BSCL2: variants seen among roughly 807,000 people sequenced by gnomAD.
BSCL2 encodes the protein seipin.
Under a neutral mutation model 57.4 loss-of-function variants are expected in BSCL2, and 41 were observed. The ratio of observed to expected loss-of-function variants is 0.71; its 90% CI spans 0.56 to 0.93. BSCL2 has a LOEUF of 0.93. Among genes scored for constraint, BSCL2 ranks in the 40% least tolerant of loss-of-function variants. The probability of loss-of-function intolerance (pLI) is 0.00; values close to 1 mark genes in which losing one functional copy is unlikely to be tolerated. For missense variants in BSCL2, 539 were observed against 586.7 expected (o/e 0.92, Z 0.84); for synonymous variants, 237 against 227.3 (o/e 1.04, Z -0.38).
intron 6 of BSCL2, among the ~76,000 whole-genome samples, 154 bp downstream of exon 6, chr11:62,692,222 T>C (rs1475892360): frequency 1.3e-5 from 2 of 152,136 alleles, no homozygotes; most frequent in African/African-American, 4.8e-5. Flanking sequence ...AGGGAGCTGA[T>C]AGGCCAATAT....
upstream of BSCL2, chr11:62,709,306 G>A (rs573512970): frequency 2.4e-5 from 11 of 454,020 alleles, no homozygotes; most frequent in South Asian, 6.2e-5. Flanking sequence ...CATCGTCAAG[G>A]ATCGGAGATC....
At position 62,707,213 on chromosome 11, in the gene BSCL2, G is replaced by GT. The variant is rs1396735903; in HGVS notation, c.-19dup. ...GTAGACATCTTCCTGACGAGCCTCT[G>GT]TTGACTCTGGATCTTCCACTGAGTC... On this transcript the variant is annotated 5_prime_UTR_variant, in exon 1 of 11. Coordinates refer to ENST00000360796, the MANE Select transcript of BSCL2 (RefSeq NM_001122955.4). 4 of 1,550,924 alleles carry GT rather than the reference G, an allele frequency of 2.6e-6. No homozygotes were observed. In the South Asian group the frequency reaches 4.8e-5, roughly 18 times the overall value.
Position 62,705,566 on chromosome 11 carries a change from C to T in BSCL2, c.139G>A (p.Ala47Thr). Residue 47 changes from alanine to threonine, a missense_variant, in exon 2 of 11, where the codon GCA becomes ACA. Ala to Thr is a moderately conservative substitution (Grantham distance 58). Coordinates refer to ENST00000360796, the MANE Select transcript of BSCL2 (RefSeq NM_001122955.4). ...HGQGWRPGGRAARNARPEPGA... is the reference protein window; with the variant it reads ...HGQGWRPGGRTARNARPEPGA... ...GGTTCAGGCCTTGCGTTCCTAGCTG[C>T]TCTGCCACCTGGACGCCACCCCTGG... is the stretch of plus-strand genomic sequence containing the variant. 3 of 1,592,826 alleles carry T rather than the reference C, an allele frequency of 1.9e-6. No individual in the cohort carries two copies. The highest frequency in any genetic ancestry group is 2.6e-6 in the Non-Finnish European group (3 of 1,166,502).
chr11:62,707,771 GC>G (rs1249305307), upstream of BSCL2: 14 of 275,098 alleles, frequency 5.1e-5, no homozygotes, highest in African/African-American at 3.0e-4. Context: ...CTCCCCAGGG[GC>G]CTCCTTTCGT....
At chr11:62,708,608 A>T, upstream of BSCL2, 1 of 1,593,838 alleles carries the variant, frequency 6.3e-7, no homozygotes, top group African/African-American at 1.3e-5. Flanking sequence ...AAGAGAACCC[A>T]TTTGGGGAGG....
chr11:62,691,220 C>T, intron 7 of BSCL2, 60 bp downstream of exon 7: 2 of 1,614,122 alleles, frequency 1.2e-6, no homozygotes, highest in Non-Finnish European at 8.5e-7. Flanking sequence ...TAATCCCCAA[C>T]ATACCCCTGA....
intron 9 of BSCL2, 31 bp from the exon 10 acceptor site, chr11:62,690,723 A>AC: frequency 6.2e-7 from 1 of 1,613,754 alleles, no homozygotes; most frequent in Non-Finnish European, 8.5e-7. Context: ...CAGGGGTCAG[A>AC]CCCAGACACT....
upstream of BSCL2, chr11:62,708,119 T>C (rs1172062488): frequency 1.6e-6 from 1 of 623,140 alleles, no homozygotes; most frequent in East Asian, 2.8e-5. Context: ...CATCCCACCC[T>C]ATTTTTTTCC....
Position 62,705,537 on chromosome 11 carries a change from C to A in BSCL2, c.168G>T (p.Gly56=). 1.9e-6 allele frequency: 3 copies of A among 1,612,196 alleles called. No individual in the cohort carries two copies. The highest frequency in any genetic ancestry group is 2.5e-6 in the Non-Finnish European group (3 of 1,178,696). The change falls in exon 2 of 11, where the codon GGG becomes GGT. Residue 56 remains glycine (G), a synonymous_variant. Coordinates refer to ENST00000360796, the MANE Select transcript of BSCL2 (RefSeq NM_001122955.4). ...TGGCCGGGAGAGCAGGGTGTCTGGC[C>A]CCAGGTTCAGGCCTTGCGTTCCTAG... is the stretch of plus-strand genomic sequence containing the variant. ...RAARNARPEP[G]ARHPALPAMV...
chr11:62,698,649 T>A (rs1945547090), intron 3 of BSCL2, among the ~76,000 whole-genome samples: 1 of 152,244 alleles, frequency 6.6e-6, no homozygotes, highest in Non-Finnish European at 1.5e-5. Context: ...CATTCATTAA[T>A]TCATTTAAAA....
chr11:62,695,054 C>T (rs1432218970), intron 3 of BSCL2, among the ~76,000 whole-genome samples: 1 of 152,322 alleles, frequency 6.6e-6, no homozygotes, highest in Non-Finnish European at 1.5e-5. Context: ...TGAGGCTGTC[C>T]CCAGGGCCCA....
At chr11:62,706,287 G>GCC in intron 1 of BSCL2, 1 of 1,116,012 alleles carries the variant, frequency 9.0e-7, no homozygotes, top group Non-Finnish European at 1.1e-6. Context: ...GGGCAACCGT[G>GCC]AGACGGGACT....
At chr11:62,705,761 T>C (rs2083520220) in intron 1 of BSCL2, 144 bp from the exon 2 acceptor site, 3 of 830,658 alleles carry the variant, frequency 3.6e-6, no homozygotes, top group Non-Finnish European at 5.4e-6. Context: ...CTCCAAATGA[T>C]TGTGCCACTC....
chr11:62,702,665 C>CCTT (rs1945679703), intron 2 of BSCL2, 116 bp from the exon 3 acceptor site: 1 of 780,530 alleles, frequency 1.3e-6, no homozygotes, highest in Non-Finnish European at 2.2e-6. Context: ...GAACAGGCAC[C>CCTT]CTTCTCTCTG....
upstream of BSCL2, chr11:62,708,537 C>A: frequency 7.6e-7 from 1 of 1,307,214 alleles, no homozygotes; most frequent in Non-Finnish European, 1.1e-6. Flanking sequence ...AGAGAGCTGT[C>A]CCCAGGCCTC....
Position 62,705,406 on chromosome 11 carries a change from C to T in BSCL2, c.299G>A (p.Cys100Tyr), listed in dbSNP as rs147314661. The T allele has an allele frequency of 6.2e-7, 1 of 1,614,224 alleles. No homozygotes were observed. The highest frequency in any genetic ancestry group is 2.2e-5 in the East Asian group (1 of 44,892). Residue 100 changes from cysteine to tyrosine, a missense_variant, in exon 2 of 11, where the codon TGC becomes TAC. This residue lies in a region of BSCL2 where 218 missense variants were observed against 224.8 expected (regional missense o/e 0.97). Transcript: ENST00000360796. ...RLLLQFGVLF[C>Y]TILLLLWVSV... ...CACCCAGAGCAAAAGGAGGATGGTGCAGAAGAGCACCCCAAACTGCAGCAG... is the reference window on the plus strand; with the variant it reads ...CACCCAGAGCAAAAGGAGGATGGTGTAGAAGAGCACCCCAAACTGCAGCAG...
chr11:62,706,429 A>G (rs1452590593), intron 1 of BSCL2: 1 of 519,718 alleles, frequency 1.9e-6, no homozygotes, highest in Non-Finnish European at 3.0e-6. Context: ...CCGAGCTGCG[A>G]GGTCGCTGTC....
Position 62,705,632 on chromosome 11 carries a change from T to C in BSCL2, c.88-15A>G, listed in dbSNP as rs1327590842. ...GCTGGTGGTTCCTGGAAAGAGAGGGTGAGGGAAAAGAGTGACTCCTTTCCC... is the reference window on the plus strand; with the variant it reads ...GCTGGTGGTTCCTGGAAAGAGAGGGCGAGGGAAAAGAGTGACTCCTTTCCC... On this transcript the variant is annotated splice_polypyrimidine_tract_variant and intron_variant, in intron 1 of 10. Coordinates refer to ENST00000360796, the MANE Select transcript of BSCL2 (RefSeq NM_001122955.4). The C allele has an allele frequency of 6.7e-7, 1 of 1,499,424 alleles. No homozygotes were observed. The highest frequency in any genetic ancestry group is 8.9e-7 in the Non-Finnish European group (1 of 1,118,782). 92.9% of individuals were successfully genotyped at this position (1,499,424 alleles called of 1,614,324 possible). A position where few individuals can be genotyped will look rare whatever the true frequency, so the allele number is the denominator to read the frequency against.
intron 4 of BSCL2, 75 bp downstream of exon 4, chr11:62,694,493 C>A: frequency 6.2e-7 from 1 of 1,607,778 alleles, no homozygotes; most frequent in Non-Finnish European, 8.5e-7. Context: ...GCCTGAGCCA[C>A]CACACCCAGC....
Sources: gnomAD v4.1 joint callset for allele counts (sites outside exome capture counted in the v4.1 genomes callset) on GRCh38, gnomAD v4.1.1 for gene constraint, gnomAD v4.1.1 regional missense constraint, MANE v1.5 for transcripts, NCBI Gene and HGNC (gene_info 2026-07-23, HGNC 2026-07-21) for gene names.